NFYC: variants seen among roughly 807,000 people sequenced by gnomAD.
NFYC encodes the protein CAAT box DNA-binding protein subunit C.
In NFYC, 25 loss-of-function variants were observed where a neutral mutation model predicts 53.1. That is an observed-to-expected ratio of 0.47 (90% CI 0.34 to 0.66). The LOEUF is 0.66. Ranked by LOEUF, NFYC falls within the 30% of genes least tolerant of loss-of-function variation. NFYC has a pLI of 0.01. For missense variants in NFYC, 260 were observed against 422.7 expected (o/e 0.62, Z 3.38); for synonymous variants, 145 against 152.6 (o/e 0.95, Z 0.37).
intron 7 of NFYC, chr1:40,763,307 G>T (rs189963124): frequency 2.6e-4 from 121 of 471,820 alleles, no homozygotes; most frequent in African/African-American, 2.1e-3. Context: ...TATATACCTT[G>T]ATATATATAT....
intron 7 of NFYC, among the ~76,000 whole-genome samples, chr1:40,765,097 G>A (rs1431563358): frequency 6.6e-6 from 1 of 152,154 alleles, no homozygotes; most frequent in Non-Finnish European, 1.5e-5. Flanking sequence ...CTGTAGATGA[G>A]GTTTTCCAAA....
chr1:40,701,457 G>C (rs988542521), intron 1 of NFYC, among the ~76,000 whole-genome samples: 4 of 152,194 alleles, frequency 2.6e-5, no homozygotes, highest in Admixed American at 1.3e-4. Flanking sequence ...ATACCAAACA[G>C]GAATGTAATA....
intron 1 of NFYC, among the ~76,000 whole-genome samples, chr1:40,729,783 C>A (rs993584050): frequency 2.0e-5 from 3 of 151,118 alleles, no homozygotes; most frequent in Non-Finnish European, 4.4e-5. Context: ...TCAAGAGATT[C>A]TTCTGCCTCA....
intron 1 of NFYC, chr1:40,730,668 G>A: frequency 5.4e-6 from 5 of 930,196 alleles, no homozygotes; most frequent in Non-Finnish European, 6.4e-6. Flanking sequence ...GCACAGGAAT[G>A]GTTGGGAACT....
At chr1:40,703,726 T>C (rs1643557728) in intron 1 of NFYC, among the ~76,000 whole-genome samples, 1 of 152,210 alleles carries the variant, frequency 6.6e-6, no homozygotes, top group African/African-American at 2.4e-5. Context: ...AAGAAGCCCT[T>C]CTTTGGTAAT....
At chr1:40,756,962 G>A (rs1646259258) in intron 5 of NFYC, among the ~76,000 whole-genome samples, 1 of 152,210 alleles carries the variant, frequency 6.6e-6, no homozygotes, top group Non-Finnish European at 1.5e-5. Flanking sequence ...AAGCACAGTT[G>A]AGGGCACCTA....
chr1:40,767,101 AT>A, intron 8 of NFYC: 1 of 906,672 alleles, frequency 1.1e-6, no homozygotes, highest in Non-Finnish European at 1.8e-6. Flanking sequence ...GCTTACTTAG[AT>A]TTTACCCCTA....
At chr1:40,766,375 A>G (rs1337721164) in intron 7 of NFYC, 13 of 488,762 alleles carry the variant, frequency 2.7e-5, no homozygotes, top group Non-Finnish European at 4.7e-5. Context: ...TCTGAAGTCC[A>G]TTCAGGGAAT....
intron 1 of NFYC, among the ~76,000 whole-genome samples, chr1:40,701,657 C>G (rs1003818229): frequency 8.5e-5 from 13 of 152,186 alleles, no homozygotes; most frequent in African/African-American, 3.1e-4. Context: ...TCTTAATGTA[C>G]AGCATCATGA....
At chr1:40,735,591 A>G in intron 1 of NFYC, 3 of 985,408 alleles carry the variant, frequency 3.0e-6, no homozygotes, top group South Asian at 9.4e-5. Flanking sequence ...CAGACTTTTA[A>G]ATCGTACAGG....
chr1:40,715,968 T>C (rs1228895942), intron 1 of NFYC, among the ~76,000 whole-genome samples: 1 of 152,254 alleles, frequency 6.6e-6, no homozygotes, highest in Middle Eastern at 3.2e-3. Context: ...CGTTTTGGTC[T>C]GTTTCCATAG....
chr1:40,747,960 C>T (rs533611161), intron 3 of NFYC, among the ~76,000 whole-genome samples: 3 of 151,864 alleles, frequency 2.0e-5, no homozygotes, highest in South Asian at 2.1e-4. Flanking sequence ...CTCAGACTCC[C>T]GAGTAGCTAG....
intron 1 of NFYC, among the ~76,000 whole-genome samples, chr1:40,697,418 G>T (rs1407747106): frequency 1.3e-5 from 2 of 152,248 alleles, no homozygotes; most frequent in Admixed American, 1.3e-4. Context: ...CAGTGGACCA[G>T]TGTGAGGTCA....
At chr1:40,713,128 C>T (rs2148460683) in intron 1 of NFYC, among the ~76,000 whole-genome samples, 1 of 152,298 alleles carries the variant, frequency 6.6e-6, no homozygotes, top group East Asian at 1.9e-4. Context: ...TTGGTGGAAA[C>T]TCATGGGGGT....
At chr1:40,730,622 A>C in intron 1 of NFYC, 26 of 984,190 alleles carry the variant, frequency 2.6e-5, no homozygotes, top group Non-Finnish European at 3.1e-5. Flanking sequence ...TGCCTTGATC[A>C]TAGAGAGATA....
chr1:40,714,568 T>C (rs532755829), intron 1 of NFYC, among the ~76,000 whole-genome samples: 2 of 152,294 alleles, frequency 1.3e-5, no homozygotes, highest in South Asian at 4.1e-4. Context: ...ATAATAGACA[T>C]AGCTGGATAG....
intron 1 of NFYC, among the ~76,000 whole-genome samples, chr1:40,727,212 T>TTTGG (rs537086608): frequency 1.3e-3 from 199 of 152,128 alleles, no homozygotes; most frequent in African/African-American, 3.5e-3. Flanking sequence ...TGTTTGTTTG[T>TTTGG]TTGGTTGGTT....
At chr1:40,747,492 G>A in intron 2 of NFYC, 42 bp from the exon 3 acceptor site, 1 of 1,434,608 alleles carries the variant, frequency 7.0e-7, no homozygotes, top group Non-Finnish European at 9.8e-7. Flanking sequence ...CCACACTGTT[G>A]ATTGTCCCCA....
intron 2 of NFYC, among the ~76,000 whole-genome samples, chr1:40,742,372 A>G (rs1645397092): frequency 6.6e-6 from 1 of 152,106 alleles, no homozygotes; most frequent in Non-Finnish European, 1.5e-5. Context: ...CCTCTTCAAG[A>G]CCCTGGGCTT....
Sources: allele counts gnomAD v4.1 joint callset (sites outside exome capture counted in the v4.1 genomes callset), GRCh38; gene constraint gnomAD v4.1.1; transcripts MANE v1.5; gene names NCBI Gene and HGNC (gene_info 2026-07-23, HGNC 2026-07-21).